The following FOXK2 variants were observed in gnomAD, a reference collection of about 807,000 sequenced individuals.
FOXK2 encodes forkhead box K2, also known as forkhead box protein K2.
FOXK2 carries 24 observed loss-of-function variants against 53.3 expected under a neutral mutation model. The observed-to-expected ratio is 0.45, with a 90% CI of 0.33 to 0.63. The LOEUF is 0.63. Ranked by LOEUF, FOXK2 falls within the 30% of genes least tolerant of loss-of-function variation. The pLI, the probability that FOXK2 is intolerant of heterozygous loss-of-function variation, is 0.03. For missense variants in FOXK2, 952 were observed against 910.5 expected, an observed-to-expected ratio of 1.05 and a Z score of -0.59; for synonymous variants, 505 against 407.1, an observed-to-expected ratio of 1.24 and a Z score of -2.89.
At chr17:82,534,302 G>T (rs547593626) in intron 1 of FOXK2, among the ~76,000 whole-genome samples, 1 of 152,298 alleles carries the variant, frequency 6.6e-6, no homozygotes, top group South Asian at 2.1e-4. Flanking sequence ...AAGCCTGGCT[G>T]CACATGGACA....
Position 82,601,592 on chromosome 17 carries a change from G to A in FOXK2, c.*93G>A. 7.6e-7 allele frequency: 1 copy of A among 1,310,248 alleles called. No homozygotes were observed. The highest frequency in any genetic ancestry group is 2.6e-5 in the Admixed American group (1 of 38,540). The allele number at this position is 1,310,248 out of a possible 1,614,324, so 81.2% of individuals were successfully genotyped here. A position where few individuals can be genotyped will look rare whatever the true frequency, so the allele number is the denominator to read the frequency against. On this transcript the variant is annotated 3_prime_UTR_variant, in exon 9 of 9. Coordinates refer to ENST00000335255, the MANE Select transcript of FOXK2 (RefSeq NM_004514.4). ...AGCACTCGGGGGTGCAGGGCCCTGTGGTTGGACTTCACCTCTCAGCACTGA... is the reference window on the plus strand; with the variant it reads ...AGCACTCGGGGGTGCAGGGCCCTGTAGTTGGACTTCACCTCTCAGCACTGA...
chr17:82,572,241 C>T (rs909408210), intron 4 of FOXK2: 2 of 166,816 alleles, frequency 1.2e-5, no homozygotes, highest in Admixed American at 1.3e-4. Flanking sequence ...TTGGCATTCT[C>T]CTGTCTTCCT....
intron 4 of FOXK2, chr17:82,577,355 A>G (rs2045000502): frequency 1.5e-6 from 1 of 667,740 alleles, no homozygotes; most frequent in Non-Finnish European, 2.7e-6. Flanking sequence ...GGTGGAGGAG[A>G]AAGACAGCAC....
At position 82,601,551 on chromosome 17, in the gene FOXK2, G is replaced by C. The variant is rs1381289266; in HGVS notation, c.*52G>C. The stretch of plus-strand genomic sequence containing the variant: ...TATCAACTCTGTGGTGCCAAAAGGA[G>C]ACGCGGCCTCCCGCCAGCACTCGGG... On this transcript the variant is annotated 3_prime_UTR_variant, in exon 9 of 9. Transcript: ENST00000335255. 6.6e-7 allele frequency: 1 copy of C among 1,522,952 alleles called. No homozygotes were observed. Among genetic ancestry groups the C allele is most frequent in the African/African-American group, 1.4e-5 (1 of 72,948 alleles). The allele number at this position is 1,522,952 out of a possible 1,614,324, so 94.3% of individuals were successfully genotyped here. A position where few individuals can be genotyped will look rare whatever the true frequency, so the allele number is the denominator to read the frequency against.
intron 1 of FOXK2, among the ~76,000 whole-genome samples, chr17:82,545,123 C>T (rs2044612565): frequency 6.6e-6 from 1 of 152,152 alleles, no homozygotes; most frequent in South Asian, 2.1e-4. Flanking sequence ...CCATTCCTCT[C>T]CACTTTGTAA....
chr17:82,544,216 CT>C (rs1555636440), intron 1 of FOXK2, among the ~76,000 whole-genome samples: 1 of 152,190 alleles, frequency 6.6e-6, no homozygotes, highest in Non-Finnish European at 1.5e-5. Flanking sequence ...CCCGGCCAAG[CT>C]TTTACTTTGA....
intron 2 of FOXK2, among the ~76,000 whole-genome samples, chr17:82,564,044 C>T (rs2044826939): frequency 6.6e-6 from 1 of 151,254 alleles, no homozygotes. Flanking sequence ...AGCCACTGCA[C>T]CTGGCCTGTT....
At chr17:82,525,505 G>C (rs879430159) in intron 1 of FOXK2, among the ~76,000 whole-genome samples, 40 of 152,186 alleles carry the variant, frequency 2.6e-4, no homozygotes, top group Non-Finnish European at 3.8e-4. Flanking sequence ...TTTGTCCAAG[G>C]GCCTGGTCTG....
intron 1 of FOXK2, among the ~76,000 whole-genome samples, chr17:82,529,582 C>T (rs563462106): frequency 6.6e-6 from 1 of 152,196 alleles, no homozygotes; most frequent in East Asian, 1.9e-4. Context: ...GACAGGGTTT[C>T]ACCATGTTGG....
intron 1 of FOXK2, among the ~76,000 whole-genome samples, chr17:82,542,552 A>G (rs2044585133): frequency 6.6e-6 from 1 of 151,904 alleles, no homozygotes; most frequent in African/African-American, 2.4e-5. Context: ...GGGCTCAAGC[A>G]ATCTTCCTGC....
intron 8 of FOXK2, among the ~76,000 whole-genome samples, chr17:82,597,374 C>T (rs889665556): frequency 3.9e-5 from 6 of 152,226 alleles, no homozygotes; most frequent in African/African-American, 1.2e-4. Flanking sequence ...AGGGGTCGCC[C>T]TCTCTTGTGG....
chr17:82,595,269 A>T (rs112828672), intron 8 of FOXK2, among the ~76,000 whole-genome samples: 3 of 152,270 alleles, frequency 2.0e-5, no homozygotes, highest in African/African-American at 7.2e-5. Flanking sequence ...AGGTGTCACA[A>T]GGTAAGTGGC....
Position 82,563,358 on chromosome 17 carries a change from A to C in FOXK2, c.424A>C (p.Thr142Pro). The C allele has an allele frequency of 6.2e-7, 1 of 1,612,648 alleles. No homozygotes were observed. The highest frequency in any genetic ancestry group is 8.5e-7 in the Non-Finnish European group (1 of 1,179,084). Reference protein sequence around the residue: ...APPLQLPRVCTFRFPSTNIKI... With the variant: ...APPLQLPRVCPFRFPSTNIKI... ...TGGTGGGCTTTTCTTTTCCAGGTGC[A>C]CATTCAGGTTCCCGAGCACAAACAT... The change falls in exon 2 of 9, where the codon ACA (threonine) becomes CCA (proline). Residue 142 changes from threonine to proline, a missense_variant. Coordinates refer to ENST00000335255, the MANE Select transcript of FOXK2 (RefSeq NM_004514.4).
At chr17:82,599,097 C>CTTTTT (rs36118493) in intron 8 of FOXK2, 1 of 123,522 alleles carries the variant, frequency 8.1e-6, no homozygotes, top group African/African-American at 3.1e-5. Context: ...TGAGCAGCTT[C>CTTTTT]TTTTTTTTTT....
chr17:82,553,382 C>G (rs2044695079), intron 1 of FOXK2, among the ~76,000 whole-genome samples: 1 of 152,260 alleles, frequency 6.6e-6, no homozygotes, highest in Non-Finnish European at 1.5e-5. Context: ...AGGCAGGTGC[C>G]AAGGCCAAAG....
chr17:82,586,665 G>A (rs1425840367), intron 7 of FOXK2, among the ~76,000 whole-genome samples: 3 of 152,042 alleles, frequency 2.0e-5, no homozygotes, highest in South Asian at 2.1e-4. Flanking sequence ...ACTATGGGGG[G>A]CTGAGACGGT....
In FOXK2 at chr17:82,556,298, G is replaced by A. The variant is rs1453941219; in HGVS notation, c.420-7056G>A. Among the ~76,000 whole-genome samples the A allele has an allele frequency of 1.3e-5, 2 of 151,648 alleles. 1 individual carries two copies. On this transcript the variant is annotated intron_variant, in intron 1 of 8. Transcript: ENST00000335255. ...ATCTCTACTAAAAATACAAAAATTA[G>A]CAGGGCATGGTGGCGGGCGCCTGTA...
At position 82,577,490 on chromosome 17, in the gene FOXK2, G is replaced by A. The variant is rs527446994; in HGVS notation, c.910-5251G>A. The A allele has an allele frequency of 2.2e-5, 7 of 323,682 alleles. No homozygotes were observed. The East Asian group carries it at 4.0e-4, about 19-fold the overall frequency. 20.1% of individuals were successfully genotyped at this position (323,682 alleles called of 1,614,324 possible). ...TTAAGGTCTCGCAGCCAAAGCTGCG[G>A]CGTGCTCACTGCCCAGTCAGGGCAG... On this transcript the variant is annotated intron_variant, in intron 4 of 8. Transcript: ENST00000335255.
intron 2 of FOXK2, among the ~76,000 whole-genome samples, chr17:82,566,244 A>AC (rs1298661439): frequency 7.6e-6 from 1 of 132,108 alleles, no homozygotes; most frequent in Non-Finnish European, 1.7e-5. Flanking sequence ...ATTTTACCAC[A>AC]AAAAAAAAAA....
Sources: gnomAD v4.1 joint callset for allele counts (sites outside exome capture counted in the v4.1 genomes callset) on GRCh38, gnomAD v4.1.1 for gene constraint, MANE v1.5 for transcripts, NCBI Gene and HGNC (gene_info 2026-07-23, HGNC 2026-07-21) for gene names.